ATL2: variants seen among roughly 807,000 people sequenced by gnomAD.
The protein encoded by ATL2 is atlastin GTPase 2.
Under a neutral mutation model 73.9 loss-of-function variants are expected in ATL2, and 31 were observed. The ratio of observed to expected loss-of-function variants is 0.42; its 90% CI spans 0.32 to 0.57. The LOEUF (loss-of-function observed/expected upper bound fraction) is 0.57. Among genes scored for constraint, ATL2 ranks in the 20% least tolerant of loss-of-function variants. The pLI is 0.14. For missense variants in ATL2, 738 were observed against 702.6 expected, an observed-to-expected ratio of 1.05 and a Z score of -0.57; for synonymous variants, 291 against 237.5, an observed-to-expected ratio of 1.23 and a Z score of -2.07.
intron 1 of ATL2, among the ~76,000 whole-genome samples, chr2:38,365,605 A>G (rs889536266): frequency 1.3e-5 from 2 of 152,178 alleles, no homozygotes; most frequent in Non-Finnish European, 1.5e-5. Flanking sequence ...CCTGCCCAAC[A>G]TAGTGAAACC....
At chr2:38,341,562 G>A (rs1669720348) in intron 2 of ATL2, among the ~76,000 whole-genome samples, 2 of 152,108 alleles carry the variant, frequency 1.3e-5, no homozygotes, top group Admixed American at 6.6e-5. Context: ...CACTTGAGCA[G>A]AGGAGGTTGG....
Position 38,343,599 on chromosome 2 carries a change from G to A in ATL2, c.119-87C>T, listed in dbSNP as rs535174059. ...GACCACAACTAAAGCAAAATTTCAAGTAAGTAATTGCCCCCTCCCCCCATT... is the reference window on the plus strand; with the variant it reads ...GACCACAACTAAAGCAAAATTTCAAATAAGTAATTGCCCCCTCCCCCCATT... On this transcript the variant is annotated intron_variant, in intron 1 of 12. Transcript: ENST00000378954. 30 of 1,185,026 alleles carry A rather than the reference G, an allele frequency of 2.5e-5. No individual in the cohort carries two copies. In the African/African-American group the frequency reaches 6.1e-4, roughly 24 times the overall value. The allele number at this position is 1,185,026 out of a possible 1,614,324, so 73.4% of individuals were successfully genotyped here. A position where few individuals can be genotyped will look rare whatever the true frequency, so the allele number is the denominator to read the frequency against.
intron 2 of ATL2, among the ~76,000 whole-genome samples, chr2:38,322,447 A>G (rs1339535501): frequency 1.3e-5 from 2 of 152,220 alleles, no homozygotes; most frequent in African/African-American, 4.8e-5. Context: ...ATAAGCTTCA[A>G]TGTACTCCCT....
intron 2 of ATL2, among the ~76,000 whole-genome samples, chr2:38,332,488 G>C (rs1176905191): frequency 1.3e-5 from 2 of 152,110 alleles, no homozygotes; most frequent in African/African-American, 4.8e-5. Context: ...TTACAGGCAC[G>C]AGCCACCATG....
intron 1 of ATL2, among the ~76,000 whole-genome samples, chr2:38,366,960 T>G (rs1284196625): frequency 6.6e-6 from 1 of 152,182 alleles, no homozygotes; most frequent in Non-Finnish European, 1.5e-5. Flanking sequence ...GATAACTTTG[T>G]GCACTTAGTA....
At chr2:38,325,529 G>A (rs1313107780) in intron 2 of ATL2, among the ~76,000 whole-genome samples, 2 of 151,620 alleles carry the variant, frequency 1.3e-5, no homozygotes, top group Admixed American at 1.3e-4. Context: ...AAGTAATTAC[G>A]GAAGAAAGTT....
intron 2 of ATL2, among the ~76,000 whole-genome samples, chr2:38,327,767 C>T (rs1488693110): frequency 2.0e-5 from 3 of 152,248 alleles, no homozygotes; most frequent in East Asian, 1.9e-4. Flanking sequence ...GAAACCCCGT[C>T]TCTATTCAAA....
rs376239886 is a variant in ATL2, at chr2:38,343,201, A to G, written c.363+67T>C. 2.0e-5 allele frequency: 11 copies of G among 563,850 alleles called. No homozygotes were observed. The Admixed American group carries it at 3.0e-4, about 15-fold the overall frequency. 34.9% of individuals were successfully genotyped at this position (563,850 alleles called of 1,614,324 possible). A position where few individuals can be genotyped will look rare whatever the true frequency, so the allele number is the denominator to read the frequency against. On this transcript the variant is annotated intron_variant, in intron 2 of 12. Coordinates refer to ENST00000378954, the MANE Select transcript of ATL2 (RefSeq NM_001135673.4). ...AAAGATATAGTTCTGGTTTTTGTCT[A>G]TTTTTTTAACAGGCATGGTTGGTAC...
Position 38,326,805 on chromosome 2 carries a change from C to T in ATL2, c.364-7786G>A, listed in dbSNP as rs746462856. Among the ~76,000 whole-genome samples, 13 of 151,762 alleles carry T rather than the reference C, an allele frequency of 8.6e-5. No individual in the cohort carries two copies. The South Asian group carries it at 1.0e-3, about 12-fold the overall frequency. On this transcript the variant is annotated intron_variant, in intron 2 of 12. Transcript: ENST00000378954. ...GAGTTCGAGACCAGCCTGGTCAATACGGCAAAACCCCATCTATACTAAAAA... is the reference window on the plus strand; with the variant it reads ...GAGTTCGAGACCAGCCTGGTCAATATGGCAAAACCCCATCTATACTAAAAA...
At chr2:38,308,665 C>T (rs1025381801) in intron 9 of ATL2, among the ~76,000 whole-genome samples, 1 of 151,828 alleles carries the variant, frequency 6.6e-6, no homozygotes, top group South Asian at 2.1e-4. Flanking sequence ...CCTATTTACT[C>T]TAATATGATT....
intron 1 of ATL2, among the ~76,000 whole-genome samples, chr2:38,357,651 CAAAAAAAAA>C (rs1212548216): frequency 0.015 from 1,000 of 66,366 alleles, 14 homozygotes; most frequent in East Asian, 0.12. Flanking sequence ...GACTCCGTCT[CAAAAAAAAA>C]AAAAAAAAAA....
intron 1 of ATL2, among the ~76,000 whole-genome samples, chr2:38,349,487 C>G (rs1197628758): frequency 3.9e-5 from 5 of 127,228 alleles, no homozygotes; most frequent in Non-Finnish European, 7.8e-5. Context: ...AACACACGGA[C>G]ACAGGAAGGG....
At chr2:38,321,251 T>C (rs1246648476) in intron 2 of ATL2, among the ~76,000 whole-genome samples, 2 of 152,098 alleles carry the variant, frequency 1.3e-5, no homozygotes, top group African/African-American at 4.8e-5. Flanking sequence ...CCATCTTTAA[T>C]TATTATTATT....
intron 1 of ATL2, among the ~76,000 whole-genome samples, chr2:38,362,846 G>C (rs1223323499): frequency 1.3e-5 from 2 of 152,188 alleles, no homozygotes; most frequent in Non-Finnish European, 2.9e-5. Context: ...AATGGAGGCA[G>C]GAGTTGTCAT....
At chr2:38,354,590 C>G (rs1232680850) in intron 1 of ATL2, among the ~76,000 whole-genome samples, 1 of 152,066 alleles carries the variant, frequency 6.6e-6, no homozygotes, top group Non-Finnish European at 1.5e-5. Flanking sequence ...AAAGGTATAG[C>G]TTAAAAAGCC....
intron 9 of ATL2, among the ~76,000 whole-genome samples, chr2:38,305,330 T>C (rs560089223): frequency 1.3e-5 from 2 of 152,244 alleles, no homozygotes; most frequent in East Asian, 1.9e-4. Flanking sequence ...GGTGGACCAC[T>C]TGACGTCAGG....
chr2:38,334,909 T>TATATAAATATATTTATATATTATAAG (rs1669250704), intron 2 of ATL2, among the ~76,000 whole-genome samples: 1 of 137,030 alleles, frequency 7.3e-6, no homozygotes, highest in Non-Finnish European at 1.6e-5. Flanking sequence ...TTATTTATAA[T>TATATAAATATATTTATATATTATAAG]ATATAAATAT....
chr2:38,337,650 T>C (rs757110586), intron 2 of ATL2, among the ~76,000 whole-genome samples: 6 of 151,844 alleles, frequency 4.0e-5, no homozygotes, highest in African/African-American at 9.7e-5. Context: ...TATAAATTAA[T>C]TGATCACAGG....
Position 38,294,543 on chromosome 2 carries a change from G to A in ATL2, c.*1451C>T, listed in dbSNP as rs1486181006. On this transcript the variant is annotated 3_prime_UTR_variant, in exon 13 of 13. Transcript: ENST00000378954. ...AGCCTGGGTGACAGAGAGAGACTCCGTCTCAAAAAAGAAACAAACAAAACT... is the reference window on the plus strand; with the variant it reads ...AGCCTGGGTGACAGAGAGAGACTCCATCTCAAAAAAGAAACAAACAAAACT... 1.3e-5 allele frequency among the ~76,000 whole-genome samples: 2 copies of A among 151,650 alleles called. No individual in the cohort carries two copies. Among genetic ancestry groups the A allele is most frequent in the East Asian group, 1.9e-4 (1 of 5,164 alleles).
Sources: gnomAD v4.1 joint callset for allele counts (sites outside exome capture counted in the v4.1 genomes callset) on GRCh38, gnomAD v4.1.1 for gene constraint, MANE v1.5 for transcripts, NCBI Gene and HGNC (gene_info 2026-07-23, HGNC 2026-07-21) for gene names.